The following ANKDD1B variants were observed in gnomAD, a reference collection of about 807,000 sequenced individuals.
ANKDD1B encodes the protein ankyrin repeat and death domain containing 1B, also known as ankyrin repeat and death domain-containing protein 1B.
Under a neutral mutation model 59.7 loss-of-function variants are expected in ANKDD1B, and 57 were observed. The ratio of observed to expected loss-of-function variants is 0.95; its 90% CI spans 0.77 to 1.19. The LOEUF (loss-of-function observed/expected upper bound fraction) is 1.19, where lower values mean the gene tolerates loss of function less well. Among genes scored for constraint, ANKDD1B ranks in the 50% most tolerant of loss-of-function variants. The probability of loss-of-function intolerance (pLI) is 0.00; values close to 1 mark genes in which losing one functional copy is unlikely to be tolerated. For synonymous variants in ANKDD1B, 216 were observed against 239.5 expected, an observed-to-expected ratio of 0.90 and a Z score of 0.91; for missense variants, 602 against 641.9, an observed-to-expected ratio of 0.94 and a Z score of 0.67.
At chr5:75,618,895 G>A (rs1206640668) in intron 2 of ANKDD1B, among the ~76,000 whole-genome samples, 2 of 152,058 alleles carry the variant, frequency 1.3e-5, no homozygotes, top group South Asian at 2.1e-4. Flanking sequence ...ACAGACGCAC[G>A]CCACCACACC....
intron 7 of ANKDD1B, among the ~76,000 whole-genome samples, chr5:75,637,780 C>A (rs953196543): frequency 6.6e-6 from 1 of 152,046 alleles, no homozygotes; most frequent in East Asian, 1.9e-4. Context: ...TCAGTCTTGA[C>A]AATTTCTTTC....
chr5:75,618,539 A>G (rs997753715), intron 2 of ANKDD1B, among the ~76,000 whole-genome samples: 7 of 152,216 alleles, frequency 4.6e-5, no homozygotes, highest in African/African-American at 1.7e-4. Flanking sequence ...AATTGTTGAC[A>G]TGGTTACTTG....
At chr5:75,625,012 G>T (rs1306185883) in intron 3 of ANKDD1B, among the ~76,000 whole-genome samples, 2 of 151,974 alleles carry the variant, frequency 1.3e-5, no homozygotes, top group Admixed American at 6.6e-5. Flanking sequence ...ATGTTGATAG[G>T]CTTTTATCTT....
At chr5:75,665,882 T>G (rs1292069643) in intron 11 of ANKDD1B, among the ~76,000 whole-genome samples, 1 of 152,078 alleles carries the variant, frequency 6.6e-6, no homozygotes, top group Non-Finnish European at 1.5e-5. Context: ...AAGAATATTT[T>G]CATTAAGATA....
At chr5:75,652,983 G>A (rs1774869448) in intron 7 of ANKDD1B, among the ~76,000 whole-genome samples, 159 bp from the exon 8 acceptor site, 1 of 152,182 alleles carries the variant, frequency 6.6e-6, no homozygotes, top group Non-Finnish European at 1.5e-5. Flanking sequence ...AATCTTATGG[G>A]ACCACTTCAA....
chr5:75,635,224 C>T (rs912533015), intron 6 of ANKDD1B: 6 of 395,876 alleles, frequency 1.5e-5, no homozygotes, highest in South Asian at 8.0e-5. Flanking sequence ...TTTGTGAAGT[C>T]GATAGACCAC....
At chr5:75,650,381 G>A (rs1774796985) in intron 7 of ANKDD1B, among the ~76,000 whole-genome samples, 1 of 152,144 alleles carries the variant, frequency 6.6e-6, no homozygotes, top group Non-Finnish European at 1.5e-5. Context: ...GGGGGTGTGA[G>A]CCAAAGAACA....
chr5:75,651,030 C>A (rs1160390836), intron 7 of ANKDD1B, among the ~76,000 whole-genome samples: 2 of 152,150 alleles, frequency 1.3e-5, no homozygotes, highest in Non-Finnish European at 2.9e-5. Flanking sequence ...CTAAGAGGAA[C>A]GATTACAAGA....
chr5:75,652,699 A>G (rs1774863591), intron 7 of ANKDD1B, among the ~76,000 whole-genome samples: 1 of 152,224 alleles, frequency 6.6e-6, no homozygotes. Flanking sequence ...TTGGCCTTCC[A>G]AAGTGCTAGA....
At chr5:75,648,163 TAGTG>T (rs1774694773) in intron 7 of ANKDD1B, among the ~76,000 whole-genome samples, 1 of 108,476 alleles carries the variant, frequency 9.2e-6, no homozygotes, top group Admixed American at 9.3e-5. Flanking sequence ...GATGACATGT[TAGTG>T]GGTGCGGCGC....
chr5:75,633,967 A>G (rs1774232170), intron 5 of ANKDD1B, among the ~76,000 whole-genome samples: 1 of 152,208 alleles, frequency 6.6e-6, no homozygotes. Context: ...CCCTTCACAC[A>G]TGCTTGCATC....
At chr5:75,656,658 G>T (rs1288996356) in intron 9 of ANKDD1B, among the ~76,000 whole-genome samples, 2 of 152,208 alleles carry the variant, frequency 1.3e-5, no homozygotes, top group Non-Finnish European at 2.9e-5. Flanking sequence ...TGGGAATGCC[G>T]CAACGGAATG....
intron 11 of ANKDD1B, among the ~76,000 whole-genome samples, chr5:75,664,869 G>A (rs1026588320): frequency 4.6e-5 from 7 of 152,154 alleles, no homozygotes; most frequent in African/African-American, 1.4e-4. Context: ...GGGTCCTGGG[G>A]TCTGGAGTGG....
intron 5 of ANKDD1B, among the ~76,000 whole-genome samples, chr5:75,631,584 G>C (rs1038878018): frequency 6.6e-6 from 1 of 152,140 alleles, no homozygotes; most frequent in Non-Finnish European, 1.5e-5. Context: ...TCTAAGCCAG[G>C]ATGGCTCCGA....
chr5:75,632,331 G>A (rs1412578462), intron 5 of ANKDD1B, among the ~76,000 whole-genome samples: 2 of 152,302 alleles, frequency 1.3e-5, no homozygotes, highest in African/African-American at 2.4e-5. Context: ...AATGATGTCA[G>A]CAGGGCTCTT....
chr5:75,627,584 C>G (rs1581134086), intron 5 of ANKDD1B, among the ~76,000 whole-genome samples: 1 of 152,174 alleles, frequency 6.6e-6, no homozygotes, highest in African/African-American at 2.4e-5. Flanking sequence ...CAATCATAGT[C>G]AAATGCTATT....
intron 1 of ANKDD1B, among the ~76,000 whole-genome samples, chr5:75,612,279 A>G (rs932227064): frequency 6.9e-6 from 1 of 145,822 alleles, no homozygotes; most frequent in African/African-American, 2.5e-5. Context: ...GGCAGCTGTT[A>G]AGCAGTTCGA....
At chr5:75,624,858 A>G (rs888033590) in intron 3 of ANKDD1B, among the ~76,000 whole-genome samples, 1 of 152,206 alleles carries the variant, frequency 6.6e-6, no homozygotes, top group Non-Finnish European at 1.5e-5. Flanking sequence ...AAATGGGATT[A>G]TATCATATTT....
intron 11 of ANKDD1B, among the ~76,000 whole-genome samples, chr5:75,666,499 A>G (rs1043861379): frequency 6.6e-6 from 1 of 152,164 alleles, no homozygotes; most frequent in Non-Finnish European, 1.5e-5. Flanking sequence ...ATCCTTTGCC[A>G]AGACAGCCTC....
Sources: gnomAD v4.1 joint callset for allele counts (sites outside exome capture counted in the v4.1 genomes callset) on GRCh38, gnomAD v4.1.1 for gene constraint, MANE v1.5 for transcripts, NCBI Gene and HGNC (gene_info 2026-07-23, HGNC 2026-07-21) for gene names.